Variants in PLEKHG1 observed in about 807,000 individuals in gnomAD.
PLEKHG1 encodes pleckstrin homology domain-containing family G member 1.
Under a neutral mutation model 100.8 loss-of-function variants are expected in PLEKHG1, and 44 were observed. The ratio of observed to expected loss-of-function variants is 0.44; its 90% CI spans 0.34 to 0.56. The LOEUF (loss-of-function observed/expected upper bound fraction) is 0.56, where lower values mean the gene tolerates loss of function less well. Ranked by LOEUF, PLEKHG1 falls within the 20% of genes least tolerant of loss-of-function variation. The probability of loss-of-function intolerance (pLI) is 0.01; values close to 1 mark genes in which losing one functional copy is unlikely to be tolerated. For missense variants in PLEKHG1, 1,545 were observed against 1,720.9 expected, an observed-to-expected ratio of 0.90 and a Z score of 1.81; for synonymous variants, 640 against 662.5, an observed-to-expected ratio of 0.97 and a Z score of 0.52.
chr6:150,761,510 G>A (rs2128635045), intron 2 of PLEKHG1, among the ~76,000 whole-genome samples: 1 of 152,012 alleles, frequency 6.6e-6, no homozygotes, highest in Non-Finnish European at 1.5e-5. Flanking sequence ...TTTCAGGCTG[G>A]TCTCGAACTC....
intron 3 of PLEKHG1, among the ~76,000 whole-genome samples, chr6:150,699,398 G>C (rs973635215): frequency 6.6e-6 from 1 of 152,230 alleles, no homozygotes; most frequent in African/African-American, 2.4e-5. Flanking sequence ...TCGTGCAACA[G>C]ATATTGTCTT....
At chr6:150,653,404 C>T (rs1582889587) in intron 3 of PLEKHG1, among the ~76,000 whole-genome samples, 1 of 152,066 alleles carries the variant, frequency 6.6e-6, no homozygotes, top group South Asian at 2.1e-4. Flanking sequence ...AGGCTCACCC[C>T]CCACGTGTAT....
At chr6:150,646,784 C>T (rs140095691) in intron 2 of PLEKHG1, among the ~76,000 whole-genome samples, 9 of 152,216 alleles carry the variant, frequency 5.9e-5, no homozygotes, top group East Asian at 1.9e-4. Flanking sequence ...TTGAGATTTA[C>T]GTGATCAGAT....
At chr6:150,608,365 G>A (rs1173023763) in intron 1 of PLEKHG1, among the ~76,000 whole-genome samples, 1 of 152,174 alleles carries the variant, frequency 6.6e-6, no homozygotes. Flanking sequence ...TTTGCCCTAT[G>A]ATCTGTCATG....
At position 150,830,898 on chromosome 6, in the gene PLEKHG1, C is replaced by G. The variant is rs767329257; in HGVS notation, c.1787C>G (p.Thr596Arg). 3.7e-6 allele frequency: 6 copies of G among 1,614,134 alleles called. No individual in the cohort carries two copies. In the Admixed American group the frequency reaches 6.7e-5, roughly 18 times the overall value. Residue 596 changes from threonine (T) to arginine (R), a missense_variant, in exon 15 of 16, where the codon ACA (threonine) becomes AGA (arginine). By Grantham distance (71) the Thr-to-Arg change is moderately conservative. Coordinates refer to ENST00000358517, the Ensembl canonical transcript of PLEKHG1. ...TGGCATATGGGACAGATGGAGTCCA[C>G]AGAGACCTCCAGCTCTGGTCACAGG...
intron 3 of PLEKHG1, among the ~76,000 whole-genome samples, chr6:150,659,179 G>C (rs993265926): frequency 6.6e-6 from 1 of 152,066 alleles, no homozygotes; most frequent in Admixed American, 6.6e-5. Context: ...TGAACCTCCT[G>C]TTCATTCAGT....
At chr6:150,684,382 G>A (rs941707833) in intron 3 of PLEKHG1, among the ~76,000 whole-genome samples, 2 of 152,240 alleles carry the variant, frequency 1.3e-5, no homozygotes, top group Non-Finnish European at 2.9e-5. Context: ...AATGACGAAT[G>A]CACAAAGGAG....
Position 150,648,723 on chromosome 6 carries a change from C to A in PLEKHG1, c.-157-2005C>A, listed in dbSNP as rs549720146. ...CCTCATTTTCCCTCTATCTTGAAAGCTTTTCATATAGTTTGGGAATTATCT... is the reference window on the plus strand; with the variant it reads ...CCTCATTTTCCCTCTATCTTGAAAGATTTTCATATAGTTTGGGAATTATCT... On this transcript the variant is annotated intron_variant, in intron 2 of 3. Coordinates refer to the PLEKHG1 transcript ENST00000367326. Among the ~76,000 whole-genome samples the A allele has an allele frequency of 2.7e-3, 410 of 152,166 alleles. 3 individuals are homozygous for A. Among genetic ancestry groups the A allele is most frequent in the African/African-American group, 9.3e-3 (385 of 41,526 alleles).
chr6:150,736,985 T>A (rs1285718714), intron 2 of PLEKHG1, among the ~76,000 whole-genome samples: 1 of 152,092 alleles, frequency 6.6e-6, no homozygotes, highest in African/African-American at 2.4e-5. Context: ...GAGTCCCAAA[T>A]GAAGAGGGAG....
At chr6:150,720,329 T>G (rs1397179585), upstream of PLEKHG1, among the ~76,000 whole-genome samples, 2 of 152,162 alleles carry the variant, frequency 1.3e-5, no homozygotes, top group Non-Finnish European at 2.9e-5. Flanking sequence ...AAACCCAAAA[T>G]AATTGGAAGG....
intron 2 of PLEKHG1, among the ~76,000 whole-genome samples, chr6:150,767,752 G>A (rs976145620): frequency 3.9e-5 from 6 of 152,198 alleles, no homozygotes; most frequent in African/African-American, 1.4e-4. Context: ...TCCTCTAAAT[G>A]CTGCAGATCG....
Position 150,600,046 on chromosome 6 carries a change from G to T in PLEKHG1, c.-204+29G>T. 1 of 201,834 alleles carries T rather than the reference G, an allele frequency of 5.0e-6. No homozygotes were observed. The highest frequency in any genetic ancestry group is 1.1e-5 in the Non-Finnish European group (1 of 93,218). 12.5% of individuals were successfully genotyped at this position (201,834 alleles called of 1,614,324 possible). A position where few individuals can be genotyped will look rare whatever the true frequency, so the allele number is the denominator to read the frequency against. On this transcript the variant is annotated intron_variant, in intron 1 of 3. Coordinates refer to the PLEKHG1 transcript ENST00000367326. This position sits in a 1 kb window ranked among gnomAD's most constrained non-coding sequence, Gnocchi z 6.2. The stretch of plus-strand genomic sequence containing the variant: ...AGCGCCGGTCGGGCCCGGACGCCCT[G>T]GGGACTTTTCCAGGGATGGGAGGGG...
intron 3 of PLEKHG1, among the ~76,000 whole-genome samples, chr6:150,677,302 ACGCGCGCG>A (rs377732298): frequency 6.9e-6 from 1 of 144,304 alleles, no homozygotes; most frequent in South Asian, 2.2e-4. Context: ...ACACACACAC[ACGCGCGCG>A]CGCACACACA....
chr6:150,604,190 A>C (rs1056103148), intron 1 of PLEKHG1, among the ~76,000 whole-genome samples: 4 of 152,256 alleles, frequency 2.6e-5, no homozygotes, highest in African/African-American at 4.8e-5. Flanking sequence ...TATTCTCATA[A>C]GAGGAATTAT....
At chr6:150,663,549 CTCTCTCTT>C in intron 3 of PLEKHG1, 1 of 142,764 alleles carries the variant, frequency 7.0e-6, no homozygotes. Flanking sequence ...CTCTCTCTCT[CTCTCTCTT>C]TTTTTTTTTT....
intron 3 of PLEKHG1, among the ~76,000 whole-genome samples, chr6:150,679,787 T>C (rs1424591182): frequency 6.6e-6 from 1 of 152,162 alleles, no homozygotes; most frequent in Non-Finnish European, 1.5e-5. Context: ...GTAAGCCAGA[T>C]ATTCATTGTA....
intron 4 of PLEKHG1, among the ~76,000 whole-genome samples, chr6:150,790,228 T>A (rs1181098664): frequency 6.6e-6 from 1 of 152,170 alleles, no homozygotes; most frequent in South Asian, 2.1e-4. Flanking sequence ...GGTTTCTCCA[T>A]GTTGGTCAGG....
At chr6:150,814,655 G>A (rs1787748473) in intron 10 of PLEKHG1, among the ~76,000 whole-genome samples, 1 of 150,850 alleles carries the variant, frequency 6.6e-6, no homozygotes, top group Non-Finnish European at 1.5e-5. Context: ...GGTCTATCTG[G>A]CTCCAAAGAG....
At position 150,698,631 on chromosome 6, in the gene PLEKHG1, T is replaced by A. The variant is rs1365520003; in HGVS notation, c.-98-34953T>A. Reference sequence around the variant, plus strand: ...TTGGGGAAATGAAACAAAACACAAGTACCTCCTGTAACGCAACTGTAGGCC... The same window carrying A: ...TTGGGGAAATGAAACAAAACACAAGAACCTCCTGTAACGCAACTGTAGGCC... On this transcript the variant is annotated intron_variant, in intron 3 of 3. Coordinates refer to the PLEKHG1 transcript ENST00000367326. 5.9e-5 allele frequency among the ~76,000 whole-genome samples: 9 copies of A among 152,308 alleles called. No homozygotes were observed. The East Asian group carries it at 1.5e-3, about 26-fold the overall frequency.
Sources: allele counts gnomAD v4.1 joint callset (sites outside exome capture counted in the v4.1 genomes callset), GRCh38; gene constraint gnomAD v4.1.1; non-coding constraint Gnocchi (gnomAD v3.1); transcripts MANE v1.5; gene names NCBI Gene and HGNC (gene_info 2026-07-23, HGNC 2026-07-21).